GLI3: variants seen among roughly 807,000 people sequenced by gnomAD.
The protein encoded by GLI3 is transcription activator GLI3.
In GLI3, 20 loss-of-function variants were observed where a neutral mutation model predicts 100.8. The observed-to-expected ratio is 0.20, with a 90% CI of 0.14 to 0.29. The LOEUF (loss-of-function observed/expected upper bound fraction) is 0.29, where lower values mean the gene tolerates loss of function less well. GLI3 is among the 10% of genes least tolerant of loss of function. The pLI is 1.00. For missense variants in GLI3, 2,040 were observed against 2,128.5 expected (o/e 0.96, Z 0.82); for synonymous variants, 938 against 860.5 (o/e 1.09, Z -1.58).
chr7:42,149,962 C>A (rs1786816351), intron 2 of GLI3: 1 of 152,172 alleles, frequency 6.6e-6, no homozygotes, highest in South Asian at 2.1e-4. Context: ...AAGCCAGCAG[C>A]AAGTTTAGTC....
chr7:42,024,502 G>A (rs570850927), intron 9 of GLI3, among the ~76,000 whole-genome samples: 1 of 152,200 alleles, frequency 6.6e-6, no homozygotes, highest in Non-Finnish European at 1.5e-5. Flanking sequence ...TCTGAGGTTT[G>A]GGCTGAAGCA....
intron 10 of GLI3, among the ~76,000 whole-genome samples, chr7:41,983,334 G>A (rs1787727382): frequency 6.6e-6 from 1 of 152,168 alleles, no homozygotes. Flanking sequence ...AACGAAGGGA[G>A]GGCCATACAT....
chr7:41,987,357 C>A (rs367561814), intron 10 of GLI3, among the ~76,000 whole-genome samples: 2 of 152,222 alleles, frequency 1.3e-5, no homozygotes, highest in Admixed American at 1.3e-4. Context: ...TTAGTAGAGA[C>A]GGGGTTTCAC....
At chr7:42,121,100 C>G (rs549521808) in intron 3 of GLI3, among the ~76,000 whole-genome samples, 1 of 152,196 alleles carries the variant, frequency 6.6e-6, no homozygotes, top group Non-Finnish European at 1.5e-5. Context: ...AGAAACCAGA[C>G]AGACGACTCT....
chr7:42,024,438 C>CA (rs962742135), intron 9 of GLI3, among the ~76,000 whole-genome samples: 1 of 5,356 alleles, frequency 1.9e-4, no homozygotes. Flanking sequence ...GAGCCCGTGA[C>CA]ACAATTTACT....
chr7:42,248,862 C>T (rs1012500421), intron 1 of GLI3, among the ~76,000 whole-genome samples: 2 of 151,928 alleles, frequency 1.3e-5, no homozygotes, highest in Non-Finnish European at 2.9e-5. Context: ...GGTCACAGCT[C>T]ACTGCAGCCT....
chr7:42,122,495 T>C (rs910477932), intron 3 of GLI3, among the ~76,000 whole-genome samples: 5 of 152,138 alleles, frequency 3.3e-5, no homozygotes, highest in African/African-American at 1.2e-4. Flanking sequence ...AAAGTGCATA[T>C]AGGATGTCAA....
At chr7:42,234,300 G>C (rs1228730068) in intron 1 of GLI3, among the ~76,000 whole-genome samples, 4 of 152,074 alleles carry the variant, frequency 2.6e-5, no homozygotes. Flanking sequence ...GGGGAGAAGA[G>C]GTCTCAGTAA....
rs781575253 is a variant in GLI3 at position 41,964,341 on chromosome 7, C to T, written c.4732G>A (p.Val1578Ile). 4 of 1,613,834 alleles carry T rather than the reference C, an allele frequency of 2.5e-6. No homozygotes were observed. The African/African-American group carries it at 4.0e-5, about 16-fold the overall frequency. The change falls in exon 15 of 15, where the codon GTT (valine) becomes ATT (isoleucine). Residue 1578 changes from valine to isoleucine, a missense_variant. Physicochemically the swap from Val to Ile is conservative, Grantham distance 29. Around this residue, in one of 5 missense-constraint regions of GLI3, gnomAD observed 1,041 missense variants for 924.0 expected, o/e 1.13. Coordinates refer to ENST00000395925, the MANE Select transcript of GLI3 (RefSeq NM_000168.6). Reference sequence around the variant, plus strand: ...TTTTTTCCTAAAGCCTATTGCATAACTGCAAGGAATTTGCTTTCTTCCGCT... The same window carrying T: ...TTTTTTCCTAAAGCCTATTGCATAATTGCAAGGAATTTGCTTTCTTCCGCT... ...SLAEESKFLAVMQ is the reference protein window; with the variant it reads ...SLAEESKFLAIMQ
intron 3 of GLI3, among the ~76,000 whole-genome samples, chr7:42,134,899 C>T (rs925776931): frequency 5.3e-5 from 8 of 151,862 alleles, no homozygotes; most frequent in Non-Finnish European, 7.4e-5. Context: ...AGAAAGAAAA[C>T]GCAGCATCGG....
chr7:41,972,549 C>T lies in GLI3; in HGVS notation c.1891G>A (p.Val631Met). 1 of 1,612,468 alleles carries T rather than the reference C, an allele frequency of 6.2e-7. No homozygotes were observed. The highest frequency in any genetic ancestry group is 8.5e-7 in the Non-Finnish European group (1 of 1,179,884). The change falls in exon 13 of 15, where the codon GTG becomes ATG. Residue 631 changes from valine (V) to methionine (M), a missense_variant. This residue lies in a region of GLI3 where 61 missense variants were observed against 150.9 expected (regional missense o/e 0.40). Coordinates refer to ENST00000395925, the MANE Select transcript of GLI3 (RefSeq NM_000168.6). This position sits in a 1 kb window ranked among gnomAD's most constrained non-coding sequence, Gnocchi z 4.4. ...GTGACATGAGCCTCTGGGCCATGCACTGTCTTCACATGTTTCCGGAGGGAG... is the reference window on the plus strand; with the variant it reads ...GTGACATGAGCCTCTGGGCCATGCATTGTCTTCACATGTTTCCGGAGGGAG... ...PSSLRKHVKT[V>M]HGPEAHVTKK...
chr7:42,076,827 G>C lies in GLI3; in HGVS notation c.398C>G (p.Pro133Arg), dbSNP rs1246987676. 3 of 1,612,788 alleles carry C rather than the reference G, an allele frequency of 1.9e-6. No homozygotes were observed. Among genetic ancestry groups the C allele is most frequent in the Admixed American group, 1.7e-5 (1 of 60,000 alleles). ...ATGTCTGGCATCAATTGGTACAGGA[G>C]GATGGAAGGCAGGGAAAAGATGAGG... Reference protein sequence around the residue: ...HPPHLFPAFHPPVPIDARHHE... With the variant: ...HPPHLFPAFHRPVPIDARHHE... The change falls in exon 4 of 15, where the codon CCT becomes CGT. Residue 133 changes from proline to arginine, a missense_variant. Pro to Arg is a moderately radical substitution (Grantham distance 103). Around this residue, in one of 5 missense-constraint regions of GLI3, gnomAD observed 603 missense variants for 690.9 expected, o/e 0.87. Transcript: ENST00000395925.
At chr7:42,239,033 C>T (rs181133408), upstream of GLI3, among the ~76,000 whole-genome samples, 231 of 152,352 alleles carry the variant, frequency 1.5e-3, 1 homozygote, top group African/African-American at 5.2e-3. Context: ...TTTCTTGGGA[C>T]TCCTTCCTTG....
intron 3 of GLI3, among the ~76,000 whole-genome samples, chr7:42,115,133 C>CTTTTTTTTTTT (rs56200386): frequency 1.0e-5 from 1 of 99,630 alleles, no homozygotes; most frequent in Non-Finnish European, 2.0e-5. Flanking sequence ...AATTTTCCTA[C>CTTTTTTTTTTT]TTTTTTTTTT....
At chr7:42,013,986 C>G (rs1442905974) in intron 10 of GLI3, among the ~76,000 whole-genome samples, 1 of 152,226 alleles carries the variant, frequency 6.6e-6, no homozygotes, top group African/African-American at 2.4e-5. Flanking sequence ...AGAACATCCA[C>G]ATCAGCTGCT....
upstream of GLI3, among the ~76,000 whole-genome samples, chr7:42,242,480 G>T (rs754453386): frequency 1.1e-4 from 17 of 152,150 alleles, no homozygotes; most frequent in Non-Finnish European, 1.6e-4. Context: ...ACAGCAAATA[G>T]CTCCGACATT....
chr7:42,165,622 T>C (rs531298907), intron 2 of GLI3, among the ~76,000 whole-genome samples: 1 of 152,300 alleles, frequency 6.6e-6, no homozygotes, highest in South Asian at 2.1e-4. Context: ...GGGGGTCTCA[T>C]TCCCTACTTG....
At chr7:42,003,972 C>G (rs1788381768) in intron 10 of GLI3, among the ~76,000 whole-genome samples, 1 of 152,140 alleles carries the variant, frequency 6.6e-6, no homozygotes, top group African/African-American at 2.4e-5. Flanking sequence ...ACTCACCTGG[C>G]ACACTCAAGG....
chr7:42,093,292 T>C (rs1189628303), intron 3 of GLI3, among the ~76,000 whole-genome samples: 1 of 149,082 alleles, frequency 6.7e-6, no homozygotes, highest in Non-Finnish European at 1.5e-5. Flanking sequence ...GGCAGGAGAA[T>C]CACTTGAACC....
Sources: allele counts gnomAD v4.1 joint callset (sites outside exome capture counted in the v4.1 genomes callset), GRCh38; gene constraint gnomAD v4.1.1; regional missense constraint gnomAD v4.1.1; non-coding constraint Gnocchi (gnomAD v3.1); transcripts MANE v1.5; gene names NCBI Gene and HGNC (gene_info 2026-07-23, HGNC 2026-07-21).